The following AGFG1 variants were observed in gnomAD, a reference collection of about 807,000 sequenced individuals.
AGFG1 encodes ArfGAP with FG repeats 1.
AGFG1 carries 10 observed loss-of-function variants against 60.6 expected under a neutral mutation model. The ratio of observed to expected loss-of-function variants is 0.16; its 90% CI spans 0.10 to 0.28. AGFG1 has a LOEUF of 0.28. AGFG1 is among the 10% of genes least tolerant of loss of function. AGFG1 has a pLI of 1.00. For missense variants in AGFG1, 537 were observed against 676.5 expected, an observed-to-expected ratio of 0.79 and a Z score of 2.29; for synonymous variants, 247 against 242.9, an observed-to-expected ratio of 1.02 and a Z score of -0.16.
chr2:227,517,533 G>T (rs1691689429), intron 2 of AGFG1, among the ~76,000 whole-genome samples: 1 of 152,186 alleles, frequency 6.6e-6, no homozygotes, highest in Non-Finnish European at 1.5e-5. Flanking sequence ...GCCTCCCATA[G>T]TGCTGGGATT....
intron 1 of AGFG1, among the ~76,000 whole-genome samples, chr2:227,475,243 G>T (rs1298610140): frequency 6.6e-6 from 1 of 152,162 alleles, no homozygotes; most frequent in Non-Finnish European, 1.5e-5. Flanking sequence ...GAGCATGGTT[G>T]TCCCCAGCTC....
chr2:227,481,099 C>CTTTTTTTTTTTTTTTTTTTTTTTATT (rs1690444468), intron 1 of AGFG1, among the ~76,000 whole-genome samples: 1 of 75,724 alleles, frequency 1.3e-5, no homozygotes, highest in Non-Finnish European at 2.4e-5. Context: ...GTGTTTTAGG[C>CTTTTTTTTTTTTTTTTTTTTTTTATT]TTTTTTTTTT....
At chr2:227,498,484 TTTAG>T (rs1429317261) in intron 2 of AGFG1, among the ~76,000 whole-genome samples, 3 of 152,232 alleles carry the variant, frequency 2.0e-5, no homozygotes, top group African/African-American at 7.2e-5. Flanking sequence ...GGGATATTTA[TTTAG>T]TGTCTGCATA....
At chr2:227,480,159 A>G (rs1690412717) in intron 1 of AGFG1, among the ~76,000 whole-genome samples, 1 of 152,252 alleles carries the variant, frequency 6.6e-6, no homozygotes, top group Non-Finnish European at 1.5e-5. Flanking sequence ...GCAGGAACCA[A>G]AAATGCTACT....
chr2:227,492,519 AC>A (rs753337540), intron 2 of AGFG1, among the ~76,000 whole-genome samples: 121 of 152,058 alleles, frequency 8.0e-4, no homozygotes, highest in South Asian at 7.5e-3. Flanking sequence ...TTCTCCTTGG[AC>A]CCTTAGAAAA....
rs1692982318 is a variant in AGFG1 at position 227,556,818 on chromosome 2, C to T, written c.*2323C>T. On this transcript the variant is annotated 3_prime_UTR_variant, in exon 13 of 13. Transcript: ENST00000310078. Reference sequence around the variant, plus strand: ...TATGGTGGTGTGAGAGCCTGTGAGTCCTAGCTACCTGGAGGTGAGGTGGGA... The same window carrying T: ...TATGGTGGTGTGAGAGCCTGTGAGTTCTAGCTACCTGGAGGTGAGGTGGGA... 6.6e-6 allele frequency: 1 copy of T among 152,072 alleles called. No individual in the cohort carries two copies. The highest frequency in any genetic ancestry group is 1.5e-5 in the Non-Finnish European group (1 of 68,044). The allele number at this position is 152,072 out of a possible 1,614,324, so 9.4% of individuals were successfully genotyped here. A position where few individuals can be genotyped will look rare whatever the true frequency, so the allele number is the denominator to read the frequency against.
At chr2:227,479,444 T>G (rs72978810) in intron 1 of AGFG1, among the ~76,000 whole-genome samples, 23,439 of 152,272 alleles carry the variant, frequency 0.15, 1,927 homozygotes, top group Middle Eastern at 0.2. Context: ...AATTAAGACA[T>G]TGTTTTAAAA....
intron 2 of AGFG1, among the ~76,000 whole-genome samples, chr2:227,499,268 T>A (rs1157619181): frequency 6.6e-6 from 1 of 152,148 alleles, no homozygotes; most frequent in African/African-American, 2.4e-5. Flanking sequence ...CTTAATGGTT[T>A]GTTTGAATGA....
chr2:227,512,216 A>G (rs1337921770), intron 2 of AGFG1, among the ~76,000 whole-genome samples: 1 of 152,184 alleles, frequency 6.6e-6, no homozygotes, highest in East Asian at 1.9e-4. Flanking sequence ...ACTCAGTTGC[A>G]TAAGTTCTAA....
chr2:227,509,254 T>G (rs79090822), intron 2 of AGFG1, among the ~76,000 whole-genome samples: 6,729 of 152,136 alleles, frequency 0.044, 267 homozygotes, highest in African/African-American at 0.098. Context: ...CCAAAATACG[T>G]AACTTTAATT....
At chr2:227,482,324 A>C (rs1450436209) in intron 1 of AGFG1, among the ~76,000 whole-genome samples, 2 of 152,138 alleles carry the variant, frequency 1.3e-5, no homozygotes, top group Non-Finnish European at 2.9e-5. Flanking sequence ...TATCATGCTT[A>C]TTATTATATA....
intron 11 of AGFG1, among the ~76,000 whole-genome samples, 179 bp downstream of exon 11, chr2:227,552,296 A>T (rs1213939501): frequency 2.0e-5 from 3 of 152,322 alleles, no homozygotes; most frequent in African/African-American, 4.8e-5. Context: ...TGATTTTACA[A>T]GTTTTTGTGA....
intron 1 of AGFG1, among the ~76,000 whole-genome samples, chr2:227,481,210 C>A (rs1340934134): frequency 6.7e-6 from 1 of 149,584 alleles, no homozygotes. Flanking sequence ...CCTGTGATGC[C>A]ACTGTTCTGG....
intron 1 of AGFG1, among the ~76,000 whole-genome samples, chr2:227,486,790 C>T (rs1447255153): frequency 6.6e-6 from 1 of 152,144 alleles, no homozygotes; most frequent in Non-Finnish European, 1.5e-5. Context: ...ATATTTAGAG[C>T]AGTGGTTCTC....
chr2:227,549,780 C>G (rs1392128623), intron 10 of AGFG1, among the ~76,000 whole-genome samples: 2 of 151,908 alleles, frequency 1.3e-5, no homozygotes, highest in Non-Finnish European at 2.9e-5. Context: ...AAAGTTGATG[C>G]CTATTTGTTT....
At position 227,484,677 on chromosome 2, in the gene AGFG1, G is replaced by GTTT. The variant is rs34405103; in HGVS notation, c.168-6862_168-6860dup. 1.1e-4 allele frequency among the ~76,000 whole-genome samples: 13 copies of GTTT among 115,900 alleles called. 2 individuals carry two copies. The highest frequency in any genetic ancestry group is 1.9e-4 in the Admixed American group (2 of 10,582). 76.0% of individuals were successfully genotyped at this position (115,900 alleles called of 152,430 possible). ...AAGCTTCTTTAATGAAGATCTCTTA[G>GTTT]TTTTTTTTTTGTTTTTTTTTTTTTT... is the stretch of plus-strand genomic sequence containing the variant. On this transcript the variant is annotated intron_variant, in intron 1 of 12. Transcript: ENST00000310078.
chr2:227,496,121 A>AAAAAAG (rs1553540678), intron 2 of AGFG1, among the ~76,000 whole-genome samples: 3 of 142,962 alleles, frequency 2.1e-5, no homozygotes, highest in Non-Finnish European at 3.0e-5. Flanking sequence ...AAAAAAAAAA[A>AAAAAAG]AAAGAAAAAA....
At chr2:227,513,832 T>G (rs1691570042) in intron 2 of AGFG1, among the ~76,000 whole-genome samples, 1 of 152,260 alleles carries the variant, frequency 6.6e-6, no homozygotes, top group Non-Finnish European at 1.5e-5. Context: ...TGTTGTCTGG[T>G]GTGATTTTAT....
Position 227,472,166 on chromosome 2 carries a change from G to C in AGFG1, c.-256G>C, listed in dbSNP as rs1209011098. 6.4e-6 allele frequency: 1 copy of C among 156,192 alleles called. No individual in the cohort carries two copies. Among genetic ancestry groups the C allele is most frequent in the Admixed American group, 6.5e-5 (1 of 15,280 alleles). 9.7% of individuals were successfully genotyped at this position (156,192 alleles called of 1,614,324 possible). A position where few individuals can be genotyped will look rare whatever the true frequency, so the allele number is the denominator to read the frequency against. ...CCTTCCTCGTCTTTTCCCCTCAGGA[G>C]AAGTCGGGAAGGTGGCGGCGGCGGC... On this transcript the variant is annotated 5_prime_UTR_variant, in exon 1 of 13. Transcript: ENST00000310078.
Sources: gnomAD v4.1 joint callset for allele counts (sites outside exome capture counted in the v4.1 genomes callset) on GRCh38, gnomAD v4.1.1 for gene constraint, MANE v1.5 for transcripts, NCBI Gene and HGNC (gene_info 2026-07-23, HGNC 2026-07-21) for gene names.